The following OTOP3 variants were observed in gnomAD, a reference collection of about 807,000 sequenced individuals.
The protein encoded by OTOP3 is proton channel OTOP3.
In OTOP3, 41 loss-of-function variants were observed where a neutral mutation model predicts 50.8. That is an observed-to-expected ratio of 0.81 (90% CI 0.63 to 1.05). OTOP3 has a LOEUF of 1.05. Ranked by LOEUF, OTOP3 falls within the 50% of genes least tolerant of loss-of-function variation. The probability of loss-of-function intolerance (pLI) is 0.00; values close to 1 mark genes in which losing one functional copy is unlikely to be tolerated. For synonymous variants in OTOP3, 320 were observed against 324.4 expected, an observed-to-expected ratio of 0.99 and a Z score of 0.14; for missense variants, 788 against 760.8, an observed-to-expected ratio of 1.04 and a Z score of -0.42.
intron 1 of OTOP3, among the ~76,000 whole-genome samples, chr17:74,940,210 T>C: frequency 6.7e-6 from 1 of 150,048 alleles, no homozygotes; most frequent in South Asian, 2.1e-4. Context: ...TCTTCCTATG[T>C]TAGCCAGGCT....
intron 1 of OTOP3, among the ~76,000 whole-genome samples, chr17:74,938,315 G>A (rs967604376): frequency 7.2e-5 from 11 of 152,144 alleles, no homozygotes; most frequent in South Asian, 6.2e-4. Flanking sequence ...TAGAGGGCAC[G>A]TCTGAAGCTC....
chr17:74,940,199 G>T (rs1395387181), intron 1 of OTOP3, among the ~76,000 whole-genome samples: 2 of 132,696 alleles, frequency 1.5e-5, no homozygotes, highest in Non-Finnish European at 3.1e-5. Context: ...AAGAGATGGT[G>T]TCTTCCTATG....
At position 74,942,010 on chromosome 17, in the gene OTOP3, C is replaced by A; in HGVS notation, c.546C>A (p.Val182=). ...CKSQLDLVFS[V]IEMVFIGVQT... is the part of the protein sequence containing the mutation. ...CACAGCTGGACCTTGTCTTCTCTGT[C>A]ATCGAGATGGTCTTCATCGGCGTCC... The change falls in exon 3 of 7, where the codon GTC becomes GTA. Residue 182 remains valine (V), a synonymous_variant. Coordinates refer to ENST00000328801, the MANE Select transcript of OTOP3 (RefSeq NM_001272005.2). The A allele has an allele frequency of 6.2e-7, 1 of 1,612,678 alleles. No individual in the cohort carries two copies. The highest frequency in any genetic ancestry group is 8.5e-7 in the Non-Finnish European group (1 of 1,179,180).
chr17:74,942,815 G>T (rs953066384), intron 3 of OTOP3, among the ~76,000 whole-genome samples: 2 of 149,022 alleles, frequency 1.3e-5, no homozygotes, highest in African/African-American at 5.0e-5. Context: ...CGTGGTGGCA[G>T]GCGCCTGTAG....
chr17:74,939,015 A>T (rs1567949118), intron 1 of OTOP3, among the ~76,000 whole-genome samples: 1 of 152,084 alleles, frequency 6.6e-6, no homozygotes, highest in South Asian at 2.1e-4. Context: ...AAAAAAAAAA[A>T]AAATTAAAAT....
intron 6 of OTOP3, among the ~76,000 whole-genome samples, chr17:74,948,302 T>G (rs146938370): frequency 0.037 from 5,621 of 152,056 alleles, 358 homozygotes; most frequent in African/African-American, 0.13. Flanking sequence ...GGGAGGAGGA[T>G]CCCTTGAGCC....
At position 74,941,575 on chromosome 17, in the gene OTOP3, G is replaced by C. The variant is rs773800453; in HGVS notation, c.202G>C (p.Ala68Pro). The change falls in exon 2 of 7, where the codon GCT becomes CCT. Residue 68 changes from alanine to proline, a missense_variant. By Grantham distance (27) the Ala-to-Pro change is conservative. Transcript: ENST00000328801. ...LLRRDRQAQKAGQLFSGLLAL... is the reference protein window; with the variant it reads ...LLRRDRQAQKPGQLFSGLLAL... ...GCGGCGGGACCGGCAGGCCCAGAAG[G>C]CTGGACAACTCTTCTCGGGGCTCCT... 2 of 1,611,794 alleles carry C rather than the reference G, an allele frequency of 1.2e-6. No homozygotes were observed. Among genetic ancestry groups the C allele is most frequent in the Admixed American group, 1.7e-5 (1 of 59,884 alleles).
chr17:74,938,010 A>C (rs1205941683), intron 1 of OTOP3, among the ~76,000 whole-genome samples: 2 of 152,058 alleles, frequency 1.3e-5, no homozygotes, highest in Non-Finnish European at 2.9e-5. Context: ...AGAACTTTCT[A>C]CCTGGGCCTG....
Position 74,948,454 on chromosome 17 carries a change from A to G in OTOP3, c.1567-792A>G, listed in dbSNP as rs2039250060. On this transcript the variant is annotated intron_variant, in intron 6 of 6. Transcript: ENST00000328801. Reference sequence around the variant, plus strand: ...GGTGAGTGGATCATTTGAGGCCAGGAGTTGGAGACCAGCCTGGGCAACATG... The same window carrying G: ...GGTGAGTGGATCATTTGAGGCCAGGGGTTGGAGACCAGCCTGGGCAACATG... Among the ~76,000 whole-genome samples the G allele has an allele frequency of 2.6e-5, 4 of 152,192 alleles. No individual in the cohort carries two copies. The South Asian group carries it at 8.3e-4, about 31-fold the overall frequency.
intron 1 of OTOP3, among the ~76,000 whole-genome samples, chr17:74,940,893 A>C (rs2039165031): frequency 6.6e-6 from 1 of 152,192 alleles, no homozygotes; most frequent in Admixed American, 6.5e-5. Context: ...AAGCCCAGAC[A>C]CAGCCTCAGG....
chr17:74,948,895 T>C (rs986070586), intron 6 of OTOP3, among the ~76,000 whole-genome samples: 1 of 152,116 alleles, frequency 6.6e-6, no homozygotes, highest in African/African-American at 2.4e-5. Flanking sequence ...AAGCCCGAGC[T>C]CAGGGTACAG....
chr17:74,949,388 G>A lies in OTOP3; in HGVS notation c.1709G>A (p.Gly570Asp). Residue 570 changes from glycine (G) to aspartate (D), a missense_variant, in exon 7 of 7, where the codon GGC becomes GAC. By Grantham distance (94) the Gly-to-Asp change is moderately conservative. Coordinates refer to ENST00000328801, the MANE Select transcript of OTOP3 (RefSeq NM_001272005.2). Reference protein sequence around the residue: ...GVFYRMHSVGGLVEVYLGA With the variant: ...GVFYRMHSVGDLVEVYLGA ...TTCTACCGCATGCACTCTGTGGGAG[G>A]CCTGGTGGAGGTCTACCTGGGGGCC... 1 of 1,613,450 alleles carries A rather than the reference G, an allele frequency of 6.2e-7. No individual in the cohort carries two copies. The highest frequency in any genetic ancestry group is 1.8e-4 in the Middle Eastern group (1 of 5,692).
chr17:74,943,798 A>C, intron 5 of OTOP3, 74 bp downstream of exon 5: 4 of 1,222,794 alleles, frequency 3.3e-6, no homozygotes, highest in Admixed American at 1.8e-5. Flanking sequence ...ACACACATAA[A>C]CGCTACACTC....
chr17:74,936,111 C>A (rs1268227863), intron 1 of OTOP3, among the ~76,000 whole-genome samples, 171 bp downstream of exon 1: 2 of 152,244 alleles, frequency 1.3e-5, no homozygotes, highest in African/African-American at 4.8e-5. Context: ...CCGGCCCCTC[C>A]ACCCGCCCCG....
intron 6 of OTOP3, among the ~76,000 whole-genome samples, chr17:74,948,272 C>G (rs925248570): frequency 6.6e-6 from 1 of 152,124 alleles, no homozygotes; most frequent in Non-Finnish European, 1.5e-5. Flanking sequence ...ACCTGTAATC[C>G]CAGCACTTTG....
In OTOP3 at chr17:74,949,462, A is replaced by T; in HGVS notation, c.*46A>T. 1 of 1,598,184 alleles carries T rather than the reference A, an allele frequency of 6.3e-7. No homozygotes were observed. Among genetic ancestry groups the T allele is most frequent in the Non-Finnish European group, 8.5e-7 (1 of 1,171,800 alleles). ...ACCTCGAAGTGCCAAGGTGGGGAAG[A>T]TGGTAGCCCAGAGTCTCTGAGCAGA... On this transcript the variant is annotated 3_prime_UTR_variant, in exon 7 of 7. Coordinates refer to ENST00000328801, the MANE Select transcript of OTOP3 (RefSeq NM_001272005.2).
chr17:74,941,496 C>A lies in OTOP3; in HGVS notation c.123C>A (p.Ala41=), dbSNP rs772283037. 2 of 1,612,758 alleles carry A rather than the reference C, an allele frequency of 1.2e-6. 1 individual carries two copies. The highest frequency in any genetic ancestry group is 2.2e-5 in the South Asian group (2 of 90,954). ...ATGTGGGGGCCGAGGAGAGAGCGGC[C>A]GCCACCCGGCCCCGGCAGAAGTCCT... The part of the protein sequence containing the change: ...RVDVGAEERA[A]ATRPRQKSWL... Residue 41 remains alanine (A), a synonymous_variant, in exon 2 of 7, where the codon GCC becomes GCA. Transcript: ENST00000328801.
Position 74,949,427 on chromosome 17 carries a change from C to G in OTOP3, c.*11C>G. The stretch of plus-strand genomic sequence containing the variant: ...TACCTGGGGGCCTGAGGCTGCCCAC[C>G]CCCGGCAGAACCTCGAAGTGCCAAG... On this transcript the variant is annotated 3_prime_UTR_variant, in exon 7 of 7. Transcript: ENST00000328801. The G allele has an allele frequency of 6.2e-7, 1 of 1,610,562 alleles. No homozygotes were observed. Among genetic ancestry groups the G allele is most frequent in the Non-Finnish European group, 8.5e-7 (1 of 1,178,692 alleles).
In OTOP3 at chr17:74,941,522, G is replaced by A; in HGVS notation, c.149G>A (p.Trp50Ter). The A allele has an allele frequency of 6.2e-7, 1 of 1,613,868 alleles. No homozygotes were observed. The highest frequency in any genetic ancestry group is 1.1e-5 in the South Asian group (1 of 91,064). Residue 50 changes from tryptophan (W) to a stop codon, truncating the protein, a stop_gained, in exon 2 of 7, where the codon TGG (tryptophan) becomes TAG (stop). Transcript: ENST00000328801. LOFTEE classifies it high-confidence loss of function. ...GCCACCCGGCCCCGGCAGAAGTCCTGGCTGGTGAGGCATTTCTCTCTGCTG... is the reference window on the plus strand; with the variant it reads ...GCCACCCGGCCCCGGCAGAAGTCCTAGCTGGTGAGGCATTTCTCTCTGCTG... ...AAATRPRQKS[W>*]LVRHFSLLLR...
Sources: allele counts gnomAD v4.1 joint callset (sites outside exome capture counted in the v4.1 genomes callset), GRCh38; gene constraint gnomAD v4.1.1; transcripts MANE v1.5; gene names NCBI Gene and HGNC (gene_info 2026-07-23, HGNC 2026-07-21).